BBS9: variants seen among roughly 807,000 people sequenced by gnomAD.
The protein encoded by BBS9 is Bardet-Biedl syndrome 9.
BBS9 carries 89 observed loss-of-function variants against 117.7 expected under a neutral mutation model. The ratio of observed to expected loss-of-function variants is 0.76; its 90% CI spans 0.64 to 0.90. The LOEUF (loss-of-function observed/expected upper bound fraction) is 0.90. BBS9 is among the 40% of genes least tolerant of loss of function. The probability of loss-of-function intolerance (pLI) is 0.00; values close to 1 mark genes in which losing one functional copy is unlikely to be tolerated. For synonymous variants in BBS9, 379 were observed against 370.9 expected, an observed-to-expected ratio of 1.02 and a Z score of -0.25; for missense variants, 982 against 1,042.2, an observed-to-expected ratio of 0.94 and a Z score of 0.80.
intron 20 of BBS9, among the ~76,000 whole-genome samples, chr7:33,523,194 T>C (rs1164025968): frequency 2.0e-5 from 3 of 147,836 alleles, no homozygotes; most frequent in Admixed American, 2.0e-4. Flanking sequence ...TGCCTCCAGC[T>C]TTGTTCTTTT....
At chr7:33,479,462 A>G (rs994849037) in intron 19 of BBS9, among the ~76,000 whole-genome samples, 3 of 152,170 alleles carry the variant, frequency 2.0e-5, no homozygotes, top group African/African-American at 4.8e-5. Context: ...TTATGGCTGC[A>G]TAGTATTCCA....
chr7:33,359,942 C>A (rs1476325784), intron 16 of BBS9, among the ~76,000 whole-genome samples: 1 of 151,814 alleles, frequency 6.6e-6, no homozygotes, highest in African/African-American at 2.4e-5. Context: ...CCAGCAATAC[C>A]TTTTTCTGTT....
In BBS9 at chr7:33,468,217, C is replaced by T. The variant is rs143099202; in HGVS notation, c.2116-37246C>T. On this transcript the variant is annotated intron_variant, in intron 19 of 22. Coordinates refer to ENST00000242067, the MANE Select transcript of BBS9 (RefSeq NM_198428.3). The stretch of plus-strand genomic sequence containing the variant: ...AGACTCTCCTAGAATTAATGAAGGC[C>T]GTGTGGACACAGTGAGTCAAATCAA... Among the ~76,000 whole-genome samples, 57 of 152,128 alleles carry T rather than the reference C, an allele frequency of 3.7e-4. 1 individual carries two copies. In the East Asian group the frequency reaches 9.1e-3, roughly 24 times the overall value.
chr7:33,238,493 C>T (rs1037856028), intron 5 of BBS9, among the ~76,000 whole-genome samples: 1 of 152,028 alleles, frequency 6.6e-6, no homozygotes, highest in South Asian at 2.1e-4. Context: ...AGGGTTTCTC[C>T]ATGTTGGTCA....
At chr7:33,281,265 C>T (rs1801830762) in intron 9 of BBS9, among the ~76,000 whole-genome samples, 1 of 150,856 alleles carries the variant, frequency 6.6e-6, no homozygotes, top group African/African-American at 2.4e-5. Flanking sequence ...TATAAAATGA[C>T]CTCTTTTGGG....
intron 19 of BBS9, among the ~76,000 whole-genome samples, chr7:33,477,500 A>G (rs1017783147): frequency 6.6e-6 from 1 of 152,280 alleles, no homozygotes; most frequent in East Asian, 1.9e-4. Context: ...AATATCTCAT[A>G]ATAGAGGTTA....
At chr7:33,521,744 T>C (rs890081988) in intron 20 of BBS9, among the ~76,000 whole-genome samples, 2 of 151,272 alleles carry the variant, frequency 1.3e-5, no homozygotes, top group African/African-American at 4.9e-5. Flanking sequence ...CTGTTTTCTT[T>C]TTCTTTTTTT....
rs769256027 is a variant in BBS9, at chr7:33,152,778, C to G, written c.190C>G (p.Gln64Glu). Residue 64 changes from glutamine (Q) to glutamate (E), a missense_variant, in exon 3 of 23, where the codon CAA (glutamine) becomes GAA (glutamate). Coordinates refer to ENST00000242067, the MANE Select transcript of BBS9 (RefSeq NM_198428.3). Reference protein sequence around the residue: ...PHPAKTGDGAQAEDLLLEVDL... With the variant: ...PHPAKTGDGAEAEDLLLEVDL... ...TCCTGCAAAAACAGGAGATGGAGCT[C>G]AAGCCGAAGATTTGCTTCTAGAAGT... 6.8e-6 allele frequency: 11 copies of G among 1,613,608 alleles called. No homozygotes were observed. The highest frequency in any genetic ancestry group is 1.1e-5 in the South Asian group (1 of 91,064).
At chr7:33,595,490 A>G (rs890889002) in intron 21 of BBS9, among the ~76,000 whole-genome samples, 5 of 152,220 alleles carry the variant, frequency 3.3e-5, no homozygotes, top group African/African-American at 9.6e-5. Context: ...ATGAGATACC[A>G]TCTTACACCA....
Position 33,527,671 on chromosome 7 carries a change from A to C in BBS9, c.2299-6283A>C, listed in dbSNP as rs185641091. Among the ~76,000 whole-genome samples the C allele has an allele frequency of 6.3e-3, 962 of 152,292 alleles. 12 individuals are homozygous for C. The highest frequency in any genetic ancestry group is 0.049 in the East Asian group (251 of 5,172). The stretch of plus-strand genomic sequence containing the variant: ...CTGGCACTCCCTAGTGAGATGAACC[A>C]GGTACCTCAGATGGAAATGCAGAAA... On this transcript the variant is annotated intron_variant, in intron 20 of 22. Coordinates refer to ENST00000242067, the MANE Select transcript of BBS9 (RefSeq NM_198428.3).
intron 9 of BBS9, among the ~76,000 whole-genome samples, chr7:33,298,786 A>G (rs1255313756): frequency 6.6e-6 from 1 of 152,214 alleles, no homozygotes; most frequent in Non-Finnish European, 1.5e-5. Context: ...CATTTGATTC[A>G]GGAAGGCAGC....
chr7:33,528,088 T>C (rs1207527199), intron 20 of BBS9, among the ~76,000 whole-genome samples: 2 of 152,186 alleles, frequency 1.3e-5, no homozygotes, highest in Non-Finnish European at 2.9e-5. Flanking sequence ...AACCATAATC[T>C]TCTGTGGATC....
intron 5 of BBS9, among the ~76,000 whole-genome samples, chr7:33,243,739 A>C (rs1794900815): frequency 6.6e-6 from 1 of 152,206 alleles, no homozygotes; most frequent in Non-Finnish European, 1.5e-5. Flanking sequence ...GTTCTCAATT[A>C]CTATCCTATG....
chr7:33,390,624 A>C, intron 19 of BBS9: 1 of 964,640 alleles, frequency 1.0e-6, no homozygotes, highest in Non-Finnish European at 1.2e-6. Context: ...AAGTTTCATG[A>C]GCATAATAAA....
At chr7:33,546,599 T>A (rs2129081922) in intron 21 of BBS9, among the ~76,000 whole-genome samples, 1 of 152,358 alleles carries the variant, frequency 6.6e-6, no homozygotes, top group South Asian at 2.1e-4. Flanking sequence ...CTTCTACATT[T>A]TCTTCCTTAG....
chr7:33,531,332 G>A (rs990112693), intron 20 of BBS9, among the ~76,000 whole-genome samples: 1 of 152,286 alleles, frequency 6.6e-6, no homozygotes, highest in Admixed American at 6.5e-5. Context: ...GGGCTTAGGT[G>A]TCAGTGCACT....
intron 19 of BBS9, among the ~76,000 whole-genome samples, chr7:33,398,749 T>A (rs1167338381): frequency 6.6e-6 from 1 of 152,218 alleles, no homozygotes; most frequent in African/African-American, 2.4e-5. Flanking sequence ...TTAATTAATT[T>A]ATTTTTTGAG....
chr7:33,458,857 T>C (rs1416191101), intron 19 of BBS9, among the ~76,000 whole-genome samples: 2 of 152,270 alleles, frequency 1.3e-5, no homozygotes, highest in East Asian at 3.9e-4. Context: ...AAAGATGGGA[T>C]TCCAGAAACT....
chr7:33,333,518 AT>A (rs1292820080), intron 9 of BBS9, among the ~76,000 whole-genome samples: 91 of 151,564 alleles, frequency 6.0e-4, no homozygotes, highest in Admixed American at 5.8e-3. Flanking sequence ...TCAAAAGAAG[AT>A]TTTTTTTTCT....
Sources: allele counts gnomAD v4.1 joint callset (sites outside exome capture counted in the v4.1 genomes callset), GRCh38; gene constraint gnomAD v4.1.1; transcripts MANE v1.5; gene names NCBI Gene and HGNC (gene_info 2026-07-23, HGNC 2026-07-21).